Variants in DYM observed in about 807,000 individuals in gnomAD.
DYM encodes dyggve-Melchior-Clausen syndrome protein.
A neutral mutation model predicts 93.1 loss-of-function variants in DYM; 78 were observed. The ratio of observed to expected loss-of-function variants is 0.84; its 90% CI spans 0.70 to 1.01. The LOEUF is 1.01. DYM is among the 50% of genes least tolerant of loss of function. The pLI is 0.00. For missense variants in DYM, 789 were observed against 845.0 expected (o/e 0.93, Z 0.82); for synonymous variants, 321 against 319.7 (o/e 1.00, Z -0.04).
chr18:49,430,174 C>G (rs568594889), intron 2 of DYM, 81 bp downstream of exon 2: 1 of 1,350,424 alleles, frequency 7.4e-7, no homozygotes, highest in East Asian at 2.3e-5. Context: ...CAGAACATTT[C>G]TAAATTTTTT....
intron 15 of DYM, among the ~76,000 whole-genome samples, chr18:49,147,362 A>G (rs567159131): frequency 1.2e-4 from 18 of 152,000 alleles, no homozygotes; most frequent in Admixed American, 1.0e-3. Context: ...TAATTAAACT[A>G]AAGAGCTTCT....
chr18:49,454,207 G>GC (rs2082773034), intron 1 of DYM, among the ~76,000 whole-genome samples: 1 of 152,156 alleles, frequency 6.6e-6, no homozygotes, highest in African/African-American at 2.4e-5. Flanking sequence ...AGTTAGGGTT[G>GC]CCACTCCAGA....
chr18:49,123,787 C>G (rs1006867229), intron 15 of DYM, among the ~76,000 whole-genome samples: 1 of 152,140 alleles, frequency 6.6e-6, no homozygotes, highest in African/African-American at 2.4e-5. Flanking sequence ...ACCAGAAGTC[C>G]TCTGAATTAT....
At position 49,377,752 on chromosome 18, in the gene DYM, G is replaced by A. The variant is rs143550793; in HGVS notation, c.421+815C>T. Among the ~76,000 whole-genome samples, 31 of 152,268 alleles carry A rather than the reference G, an allele frequency of 2.0e-4. No individual in the cohort carries two copies. The East Asian group carries it at 5.8e-3, about 28-fold the overall frequency. On this transcript the variant is annotated intron_variant, in intron 5 of 17. Coordinates refer to ENST00000675505, the MANE Select transcript of DYM (RefSeq NM_001353214.3). ...TTAAAAACACGTATTTAGCAACACA[G>A]TTGAAACCACAGTGAAAAATTACTC...
rs139386205 is a variant in DYM at position 49,120,288 on chromosome 18, G to A, written c.1729-1362C>T. On this transcript the variant is annotated intron_variant, in intron 15 of 17. Transcript: ENST00000675505. ...TAGTCCACAATAGTTAAAATCTGAG[G>A]ATTGGCAGAGTGGATTAAAAGCACA... 9.5e-4 allele frequency among the ~76,000 whole-genome samples: 144 copies of A among 152,152 alleles called. 2 individuals are homozygous for A. In the East Asian group the frequency reaches 0.02, roughly 21 times the overall value.
intron 15 of DYM, among the ~76,000 whole-genome samples, chr18:49,136,725 T>G (rs1056205899): frequency 2.0e-5 from 3 of 152,172 alleles, no homozygotes; most frequent in African/African-American, 4.8e-5. Flanking sequence ...TCCTCTTCTT[T>G]TGAGGCAAAG....
At chr18:49,275,471 A>T (rs970877649) in intron 10 of DYM, among the ~76,000 whole-genome samples, 1 of 152,114 alleles carries the variant, frequency 6.6e-6, no homozygotes, top group African/African-American at 2.4e-5. Flanking sequence ...TTTTACATGA[A>T]TTTTTTAATC....
chr18:49,282,277 T>C (rs1285040718), intron 9 of DYM, 102 bp from the exon 10 acceptor site: 15 of 1,155,630 alleles, frequency 1.3e-5, no homozygotes, highest in African/African-American at 3.1e-5. Context: ...ATTAATTTTA[T>C]GGAAAGTCAC....
chr18:49,411,668 ACAAT>A (rs1568398472), intron 2 of DYM, among the ~76,000 whole-genome samples: 1 of 152,202 alleles, frequency 6.6e-6, no homozygotes, highest in Non-Finnish European at 1.5e-5. Flanking sequence ...GGTTTGCTGA[ACAAT>A]CAAACTGTAA....
intron 14 of DYM, among the ~76,000 whole-genome samples, chr18:49,180,958 T>A (rs1002479949): frequency 3.9e-5 from 6 of 152,180 alleles, no homozygotes; most frequent in African/African-American, 1.4e-4. Flanking sequence ...TCCAACTTGT[T>A]ATATGTTAGC....
At chr18:49,240,637 T>C (rs1478066235) in intron 13 of DYM, among the ~76,000 whole-genome samples, 2 of 152,010 alleles carry the variant, frequency 1.3e-5, no homozygotes, top group African/African-American at 2.4e-5. Flanking sequence ...TAATTTTGAC[T>C]TGAAAATTTT....
chr18:49,309,862 A>C (rs979342348), intron 8 of DYM, among the ~76,000 whole-genome samples: 6 of 152,182 alleles, frequency 3.9e-5, no homozygotes, highest in Admixed American at 3.9e-4. Context: ...TAAAGTGCTA[A>C]TGTAACTTGA....
intron 8 of DYM, among the ~76,000 whole-genome samples, chr18:49,313,708 A>C (rs752753389): frequency 6.6e-6 from 1 of 152,070 alleles, no homozygotes; most frequent in Non-Finnish European, 1.5e-5. Flanking sequence ...ACTTTACTGT[A>C]TGGATTCACC....
At chr18:49,308,529 C>T (rs1366747647) in intron 8 of DYM, among the ~76,000 whole-genome samples, 2 of 152,174 alleles carry the variant, frequency 1.3e-5, no homozygotes, top group Non-Finnish European at 2.9e-5. Context: ...TGTGCACCTT[C>T]GTGAGAATTA....
rs751093300 is a variant in DYM, at chr18:49,358,154, A to AAAAT, written c.494+5003_494+5006dup. 2.7e-3 allele frequency among the ~76,000 whole-genome samples: 416 copies of AAAAT among 152,302 alleles called. 2 individuals carry two copies. In the Middle Eastern group the frequency reaches 0.048, roughly 17 times the overall value. On this transcript the variant is annotated intron_variant, in intron 6 of 17. Transcript: ENST00000675505. Reference sequence around the variant, plus strand: ...GACAGAGTGGGAATCCCATCTCAAAAAAATAAATAAATAAGTAAATAAATA... The same window carrying AAAAT: ...GACAGAGTGGGAATCCCATCTCAAAAAAATAAATAAATAAATAAGTAAATAAATA...
intron 5 of DYM, among the ~76,000 whole-genome samples, chr18:49,373,089 A>G (rs1357698722): frequency 1.3e-5 from 2 of 152,174 alleles, no homozygotes; most frequent in African/African-American, 4.8e-5. Flanking sequence ...AAATGCATCA[A>G]TTCACTTAAT....
chr18:49,274,366 TACC>T (rs2094794888), intron 10 of DYM, among the ~76,000 whole-genome samples: 1 of 152,174 alleles, frequency 6.6e-6, no homozygotes, highest in African/African-American at 2.4e-5. Context: ...TGCATAAACA[TACC>T]ACATTTCATT....
At chr18:49,353,209 C>T (rs2065261095) in intron 6 of DYM, among the ~76,000 whole-genome samples, 1 of 152,090 alleles carries the variant, frequency 6.6e-6, no homozygotes, top group Non-Finnish European at 1.5e-5. Context: ...ACAAGATTTA[C>T]CTAGATGTCT....
At chr18:49,384,290 C>G (rs1194267375) in intron 3 of DYM, among the ~76,000 whole-genome samples, 1 of 141,198 alleles carries the variant, frequency 7.1e-6, no homozygotes, top group African/African-American at 2.6e-5. Flanking sequence ...CCACTGCACT[C>G]CAGCATGAGC....
Sources: gnomAD v4.1 joint callset for allele counts (sites outside exome capture counted in the v4.1 genomes callset) on GRCh38, gnomAD v4.1.1 for gene constraint, MANE v1.5 for transcripts, NCBI Gene and HGNC (gene_info 2026-07-23, HGNC 2026-07-21) for gene names.